LPP: variants seen among roughly 807,000 people sequenced by gnomAD.
LPP encodes LIM domain containing preferred translocation partner in lipoma.
A neutral mutation model predicts 60.4 loss-of-function variants in LPP; 38 were observed. That is an observed-to-expected ratio of 0.63 (90% confidence interval 0.49 to 0.83). LPP has a LOEUF of 0.83. Ranked by LOEUF, LPP falls within the 40% of genes least tolerant of loss-of-function variation. The pLI is 0.00. For synonymous variants in LPP, 328 were observed against 290.8 expected (o/e 1.13, Z -1.30); for missense variants, 902 against 783.6 (o/e 1.15, Z -1.80).
chr3:188,634,730 C>G (rs1848420235), intron 7 of LPP, among the ~76,000 whole-genome samples: 1 of 152,172 alleles, frequency 6.6e-6, no homozygotes, highest in Admixed American at 6.5e-5. Context: ...CCCATCATCC[C>G]CAGATGGGAC....
Position 188,760,294 on chromosome 3 carries a change from A to AT in LPP, c.1410+15dup, listed in dbSNP as rs1262450785. The AT allele has an allele frequency of 6.2e-7, 1 of 1,613,876 alleles. No homozygotes were observed. The highest frequency in any genetic ancestry group is 8.5e-7 in the Non-Finnish European group (1 of 1,179,890). ...AGCCCTGCTACATTGTAAGTTCCAG[A>AT]TTTGTTCCTCAAGCACTTTGCAAAG... On this transcript the variant is annotated intron_variant, in intron 9 of 11. Transcript: ENST00000617246.
intron 6 of LPP, among the ~76,000 whole-genome samples, chr3:188,587,443 ATGT>A (rs1837721056): frequency 6.6e-6 from 1 of 152,026 alleles, no homozygotes; most frequent in African/African-American, 2.4e-5. Context: ...GTTTATTTTC[ATGT>A]TGTTACTACA....
At chr3:188,487,996 T>C (rs1403646857) in intron 5 of LPP, among the ~76,000 whole-genome samples, 2 of 151,044 alleles carry the variant, frequency 1.3e-5, no homozygotes, top group Non-Finnish European at 1.5e-5. Context: ...TACAGTCCTT[T>C]CAAGTATTTG....
At chr3:188,442,879 G>C (rs1365290528) in intron 4 of LPP, among the ~76,000 whole-genome samples, 1 of 152,202 alleles carries the variant, frequency 6.6e-6, no homozygotes, top group Non-Finnish European at 1.5e-5. Context: ...AGAAGAAGAA[G>C]AGCAGATACG....
At chr3:188,859,637 G>A (rs1204788220) in intron 9 of LPP, among the ~76,000 whole-genome samples, 2 of 152,174 alleles carry the variant, frequency 1.3e-5, no homozygotes, top group East Asian at 1.9e-4. Flanking sequence ...AAGTGAGGAG[G>A]CAGCTCTGCT....
At chr3:188,362,406 C>T (rs1769723008) in intron 3 of LPP, among the ~76,000 whole-genome samples, 2 of 152,080 alleles carry the variant, frequency 1.3e-5, no homozygotes, top group Admixed American at 6.6e-5. Context: ...TTGCCGCTTC[C>T]TTTCTGGAAT....
chr3:188,874,683 T>C lies in LPP; in HGVS notation c.*204T>C. The C allele has an allele frequency of 1.8e-6, 1 of 550,622 alleles. No homozygotes were observed. The highest frequency in any genetic ancestry group is 3.1e-6 in the Non-Finnish European group (1 of 320,574). The allele number at this position is 550,622 out of a possible 1,614,324, so 34.1% of individuals were successfully genotyped here. A position where few individuals can be genotyped will look rare whatever the true frequency, so the allele number is the denominator to read the frequency against. On this transcript the variant is annotated 3_prime_UTR_variant, in exon 12 of 12. Transcript: ENST00000617246. ...CACATTGAATCATGTAGGATCTTGATGGGCCTTTGTTCCCAAGGACTTCCA... is the reference window on the plus strand; with the variant it reads ...CACATTGAATCATGTAGGATCTTGACGGGCCTTTGTTCCCAAGGACTTCCA...
At chr3:188,569,750 T>A (rs964219034) in intron 6 of LPP, among the ~76,000 whole-genome samples, 9 of 152,018 alleles carry the variant, frequency 5.9e-5, no homozygotes, top group African/African-American at 2.2e-4. Context: ...AAAGCCTAAA[T>A]GTATGAATTG....
chr3:188,624,779 TTTCCTTCCTTCC>T (rs10662278), intron 7 of LPP, among the ~76,000 whole-genome samples: 1 of 60,774 alleles, frequency 1.6e-5, no homozygotes, highest in South Asian at 1.1e-3. Flanking sequence ...CTTCCTTCCT[TTTCCTTCCTTCC>T]TTCCTTCCTT....
chr3:188,588,137 A>G lies in LPP; in HGVS notation c.430-21024A>G, dbSNP rs553629939. ...TTTTAAACTGAGATCCTATGTGGAT[A>G]TGGAATAGCGTATACAGCTCTGACA... On this transcript the variant is annotated intron_variant, in intron 6 of 11. Coordinates refer to ENST00000617246, the MANE Select transcript of LPP (RefSeq NM_001375462.1). 2.0e-5 allele frequency among the ~76,000 whole-genome samples: 3 copies of G among 152,356 alleles called. No homozygotes were observed. The East Asian group carries it at 5.8e-4, about 29-fold the overall frequency.
intron 2 of LPP, chr3:188,247,171 C>CAG: frequency 1.0e-6 from 1 of 985,000 alleles, no homozygotes; most frequent in Non-Finnish European, 1.2e-6. Context: ...GTCCAGAAGA[C>CAG]CTCTGGAGAA....
At chr3:188,777,106 T>G (rs1312050215) in intron 9 of LPP, among the ~76,000 whole-genome samples, 1 of 152,166 alleles carries the variant, frequency 6.6e-6, no homozygotes, top group Non-Finnish European at 1.5e-5. Flanking sequence ...TAATAATACC[T>G]TATACTTAAA....
chr3:188,460,496 G>A (rs889626649), intron 4 of LPP, among the ~76,000 whole-genome samples: 3 of 152,198 alleles, frequency 2.0e-5, no homozygotes, highest in Non-Finnish European at 2.9e-5. Flanking sequence ...CGCAGTTACT[G>A]TTGGAACAGA....
At position 188,446,815 on chromosome 3, in the gene LPP, C is replaced by G. The variant is rs577582749; in HGVS notation, c.194-37777C>G. Among the ~76,000 whole-genome samples, 43 of 152,282 alleles carry G rather than the reference C, an allele frequency of 2.8e-4. 1 individual carries two copies. Among genetic ancestry groups the G allele is most frequent in the African/African-American group, 1.0e-3 (42 of 41,550 alleles). On this transcript the variant is annotated intron_variant, in intron 4 of 11. Transcript: ENST00000617246. ...TGATTGTTTTCATGGCTTTCTTTTG[C>G]CTTTTCTCCATGTCCTTTTTAGCTC...
Position 188,293,492 on chromosome 3 carries a change from A to G in LPP, c.-66-48171A>G, listed in dbSNP as rs77814291. Among the ~76,000 whole-genome samples, 20 of 152,356 alleles carry G rather than the reference A, an allele frequency of 1.3e-4. No homozygotes were observed. The East Asian group carries it at 3.7e-3, about 28-fold the overall frequency. ...TCCACTGTTGAGAATTGTCTAATGC[A>G]AAGCTCACTTTTTAAACATGGATAA... On this transcript the variant is annotated intron_variant, in intron 2 of 11. Coordinates refer to ENST00000617246, the MANE Select transcript of LPP (RefSeq NM_001375462.1).
chr3:188,586,196 C>T lies in LPP; in HGVS notation c.430-22965C>T, dbSNP rs145174733. ...GAGATTGCCTGTTTTACGTTGAGTG[C>T]AGTGTTTTTCAGGTGGAAACATATT... On this transcript the variant is annotated intron_variant, in intron 6 of 11. Transcript: ENST00000617246. Among the ~76,000 whole-genome samples the T allele has an allele frequency of 1.3e-4, 20 of 152,170 alleles. No individual in the cohort carries two copies. In the East Asian group the frequency reaches 3.7e-3, roughly 28 times the overall value.
chr3:188,378,274 C>G (rs930001921), intron 3 of LPP, among the ~76,000 whole-genome samples: 5 of 152,340 alleles, frequency 3.3e-5, no homozygotes, highest in South Asian at 2.1e-4. Flanking sequence ...TTACTGCTGT[C>G]TTTTTGTTTG....
chr3:188,599,308 G>A (rs944031806), intron 6 of LPP, among the ~76,000 whole-genome samples: 1 of 152,118 alleles, frequency 6.6e-6, no homozygotes. Context: ...GTTTTAATCT[G>A]ATGATATGCT....
chr3:188,210,622 G>T (rs1734440754), intron 1 of LPP, among the ~76,000 whole-genome samples: 1 of 152,188 alleles, frequency 6.6e-6, no homozygotes, highest in Non-Finnish European at 1.5e-5. Flanking sequence ...CTCTCTCTAT[G>T]TGGATGTGGA....
Sources: gnomAD v4.1 joint callset for allele counts (sites outside exome capture counted in the v4.1 genomes callset) on GRCh38, gnomAD v4.1.1 for gene constraint, MANE v1.5 for transcripts, NCBI Gene and HGNC (gene_info 2026-07-23, HGNC 2026-07-21) for gene names.